The following HMCN1 variants were observed in gnomAD, a reference collection of about 807,000 sequenced individuals.
HMCN1 encodes hemicentin-1.
Under a neutral mutation model 625.9 loss-of-function variants are expected in HMCN1, and 321 were observed. That is an observed-to-expected ratio of 0.51 (90% CI 0.47 to 0.56). HMCN1 has a LOEUF of 0.56. Ranked by LOEUF, HMCN1 falls within the 20% of genes least tolerant of loss-of-function variation. The pLI is 0.00. For synonymous variants in HMCN1, 2,425 were observed against 2,417.6 expected, an observed-to-expected ratio of 1.00 and a Z score of -0.09; for missense variants, 6,588 against 6,887.3, an observed-to-expected ratio of 0.96 and a Z score of 1.54.
intron 11 of HMCN1, among the ~76,000 whole-genome samples, chr1:185,935,662 G>C (rs1471695511): frequency 1.3e-5 from 2 of 152,078 alleles, no homozygotes; most frequent in African/African-American, 4.8e-5. Flanking sequence ...GTCTAGAGGT[G>C]TTATTTTATG....
intron 1 of HMCN1, among the ~76,000 whole-genome samples, chr1:185,844,832 T>C (rs1462156037): frequency 6.6e-6 from 1 of 152,212 alleles, no homozygotes; most frequent in Non-Finnish European, 1.5e-5. Flanking sequence ...AGTTGATTTA[T>C]TTTTTAAAGA....
intron 80 of HMCN1, among the ~76,000 whole-genome samples, chr1:186,120,797 A>G (rs530764106): frequency 6.6e-6 from 1 of 152,348 alleles, no homozygotes; most frequent in South Asian, 2.1e-4. Context: ...CATTTATTCA[A>G]CATTAATAAC....
chr1:185,967,684 G>A (rs1488480161), intron 14 of HMCN1, among the ~76,000 whole-genome samples: 1 of 151,868 alleles, frequency 6.6e-6, no homozygotes, highest in Non-Finnish European at 1.5e-5. Context: ...TCAAAATGGA[G>A]GGGGTTAGGA....
At chr1:186,160,877 C>T (rs2102603566) in intron 97 of HMCN1, among the ~76,000 whole-genome samples, 1 of 150,590 alleles carries the variant, frequency 6.6e-6, no homozygotes, top group South Asian at 2.1e-4. Context: ...TGGTGTGGTG[C>T]TGAAAAAAAT....
chr1:186,026,246 T>C (rs1245372990), intron 36 of HMCN1, among the ~76,000 whole-genome samples: 1 of 152,152 alleles, frequency 6.6e-6, no homozygotes, highest in Non-Finnish European at 1.5e-5. Flanking sequence ...AAGACCTCAG[T>C]GGTTAAAATG....
chr1:186,081,495 T>C (rs1030335489), intron 56 of HMCN1, 101 bp downstream of exon 56: 57 of 814,720 alleles, frequency 7.0e-5, no homozygotes, highest in Non-Finnish European at 1.1e-4. Context: ...AGCTTGTAAA[T>C]ATTATATTTG....
At chr1:185,922,700 G>A (rs1468389630) in intron 7 of HMCN1, among the ~76,000 whole-genome samples, 1 of 152,114 alleles carries the variant, frequency 6.6e-6, no homozygotes, top group Non-Finnish European at 1.5e-5. Flanking sequence ...CAGGATGCTT[G>A]TTAAAAATTA....
At chr1:185,848,779 T>A (rs993249707) in intron 2 of HMCN1, among the ~76,000 whole-genome samples, 1 of 152,150 alleles carries the variant, frequency 6.6e-6, no homozygotes, top group Non-Finnish European at 1.5e-5. Flanking sequence ...ACCCTGCACT[T>A]TTACCCCTTA....
chr1:185,765,646 G>A (rs945605469), intron 1 of HMCN1, among the ~76,000 whole-genome samples: 3 of 152,138 alleles, frequency 2.0e-5, no homozygotes, highest in Admixed American at 1.3e-4. Flanking sequence ...CAGTAGATGG[G>A]TAATTAGGAC....
rs1409212896 is a variant in HMCN1, at chr1:186,125,660, G to C, written c.12556G>C (p.Ala4186Pro). The change falls in exon 82 of 107, where the codon GCC becomes CCC. Residue 4186 changes from alanine to proline, a missense_variant. Physicochemically the swap from Ala to Pro is conservative, Grantham distance 27. Transcript: ENST00000271588. The stretch of plus-strand genomic sequence containing the variant: ...CTACACGGTCAATGAGAATTCACAA[G>C]CCATTCTTCCATGCGTAGCTGATGG... Reference protein sequence around the residue: ...GHYTVNENSQAILPCVADGIP... With the variant: ...GHYTVNENSQPILPCVADGIP... 1 of 1,613,340 alleles carries C rather than the reference G, an allele frequency of 6.2e-7. No homozygotes were observed. The highest frequency in any genetic ancestry group is 1.7e-5 in the Admixed American group (1 of 59,972).
At chr1:186,121,262 T>C (rs1414347104) in intron 80 of HMCN1, among the ~76,000 whole-genome samples, 2 of 152,162 alleles carry the variant, frequency 1.3e-5, no homozygotes, top group African/African-American at 4.8e-5. Context: ...GATATGTAGA[T>C]TTTATTCTCT....
intron 46 of HMCN1, 53 bp from the exon 47 acceptor site, chr1:186,061,798 A>G (rs1657721950): frequency 1.5e-5 from 19 of 1,287,728 alleles, no homozygotes; most frequent in African/African-American, 2.9e-5. Context: ...GATGGCTTAT[A>G]AAGTTTCATT....
At chr1:185,996,986 G>A (rs539285042) in intron 24 of HMCN1, among the ~76,000 whole-genome samples, 103 of 152,252 alleles carry the variant, frequency 6.8e-4, no homozygotes, top group African/African-American at 2.1e-3. Flanking sequence ...AGGGGAACAT[G>A]TTTGAGAAAA....
chr1:186,088,535 A>T, intron 62 of HMCN1, 71 bp from the exon 63 acceptor site: 5 of 1,538,230 alleles, frequency 3.3e-6, no homozygotes, highest in Non-Finnish European at 4.4e-6. Flanking sequence ...AAGACATTTT[A>T]TCATGAATTT....
At chr1:185,931,252 T>C (rs528296773) in intron 10 of HMCN1, among the ~76,000 whole-genome samples, 1 of 152,270 alleles carries the variant, frequency 6.6e-6, no homozygotes, top group Admixed American at 6.5e-5. Flanking sequence ...TCCCTCATTA[T>C]TGAGGTTTCC....
In HMCN1 at chr1:186,151,329, C is replaced by G; in HGVS notation, c.14738C>G (p.Thr4913Ser). 6.2e-7 allele frequency: 1 copy of G among 1,613,574 alleles called. No homozygotes were observed. The highest frequency in any genetic ancestry group is 8.5e-7 in the Non-Finnish European group (1 of 1,179,636). The change falls in exon 94 of 107, where the codon ACC (threonine) becomes AGC (serine). Residue 4913 changes from threonine to serine, a missense_variant. Physicochemically the swap from Thr to Ser is moderately conservative, Grantham distance 58 (BLOSUM62 1). Coordinates refer to ENST00000271588, the MANE Select transcript of HMCN1 (RefSeq NM_031935.3). ...ACTAGAATAATACGTGCCAAAATTA[C>G]CAATGTACCTCGTAGTCTTGGTAAG... Reference protein sequence around the residue: ...SDTRIIRAKITNVPRSLGSAM... With the variant: ...SDTRIIRAKISNVPRSLGSAM...
chr1:186,131,115 A>G (rs4528072), intron 85 of HMCN1, among the ~76,000 whole-genome samples: 69,135 of 152,010 alleles, frequency 0.45, 16,832 homozygotes, highest in East Asian at 0.6. Context: ...TTTGGGGTCA[A>G]ATTACCCCAA....
At chr1:185,818,596 AT>A (rs1198842121) in intron 1 of HMCN1, among the ~76,000 whole-genome samples, 1 of 152,148 alleles carries the variant, frequency 6.6e-6, no homozygotes, top group Non-Finnish European at 1.5e-5. Flanking sequence ...TACAATATGG[AT>A]TTTTATTAAC....
chr1:186,000,266 G>C, intron 26 of HMCN1, 27 bp downstream of exon 26: 1 of 1,545,906 alleles, frequency 6.5e-7, no homozygotes, highest in East Asian at 2.3e-5. Flanking sequence ...TCATGTAACT[G>C]ACTGTTTGCC....
Sources: gnomAD v4.1 joint callset for allele counts (sites outside exome capture counted in the v4.1 genomes callset) on GRCh38, gnomAD v4.1.1 for gene constraint, MANE v1.5 for transcripts, NCBI Gene and HGNC (gene_info 2026-07-23, HGNC 2026-07-21) for gene names.